The following FAM163B variants were observed in gnomAD, a reference collection of about 807,000 sequenced individuals.
FAM163B encodes the protein family with sequence similarity 163 member B, also known as protein FAM163B.
FAM163B carries 4 observed loss-of-function variants against 7.6 expected under a neutral mutation model. The observed-to-expected ratio is 0.52, with a 90% CI of 0.26 to 1.20. The LOEUF (loss-of-function observed/expected upper bound fraction) is 1.20. Among genes scored for constraint, FAM163B ranks in the 50% most tolerant of loss-of-function variants. The pLI is 0.14. For missense variants in FAM163B, 250 were observed against 243.0 expected, an observed-to-expected ratio of 1.03 and a Z score of -0.19; for synonymous variants, 120 against 111.6, an observed-to-expected ratio of 1.07 and a Z score of -0.47.
rs556244383 is a variant in FAM163B at position 133,579,338 on chromosome 9, C to A, written c.185G>T (p.Arg62Leu). 2 of 1,613,562 alleles carry A rather than the reference C, an allele frequency of 1.2e-6. No homozygotes were observed. Among genetic ancestry groups the A allele is most frequent in the South Asian group, 1.1e-5 (1 of 90,996 alleles). ...CGGCCCGTTGGTCAGCACCAGGTTG[C>A]GGTTGGAGTGCAGCGGGGGCAGGTG... ...HSHLPPLHSN[R>L]NLVLTNGPAL... The change falls in exon 3 of 3, where the codon CGC (arginine) becomes CTC (leucine). Residue 62 changes from arginine (R) to leucine (L), a missense_variant. Coordinates refer to ENST00000673969, the MANE Select transcript of FAM163B (RefSeq NM_001080515.3).
Position 133,600,056 on chromosome 9 carries a change from AGTTT to A in FAM163B, c.-24+9017_-24+9020del, listed in dbSNP as rs1382729615. On this transcript the variant is annotated intron_variant, in intron 1 of 2. Transcript: ENST00000673969. This position sits in a 1 kb window ranked among gnomAD's most constrained non-coding sequence, Gnocchi z 4.9. ...TGTGTGGTCTGTGTGGATGTGTGTG[AGTTT>A]GTGTGTGCATGTGTGTGTGTCTGTG... is the stretch of plus-strand genomic sequence containing the variant. 5.0e-5 allele frequency among the ~76,000 whole-genome samples: 4 copies of A among 79,824 alleles called. No homozygotes were observed. Among genetic ancestry groups the A allele is most frequent in the African/African-American group, 1.6e-4 (3 of 18,458 alleles). The allele number at this position is 79,824 out of a possible 152,430, so 52.4% of individuals were successfully genotyped here.
intron 1 of FAM163B, among the ~76,000 whole-genome samples, chr9:133,592,579 C>T (rs900719996): frequency 6.6e-6 from 1 of 152,168 alleles, no homozygotes; most frequent in African/African-American, 2.4e-5. Context: ...GAACATTGCC[C>T]TCTCCGGCCA....
At chr9:133,591,625 C>T (rs28574717) in intron 1 of FAM163B, among the ~76,000 whole-genome samples, 16,317 of 152,248 alleles carry the variant, frequency 0.11, 1,989 homozygotes, top group African/African-American at 0.3. Flanking sequence ...CCTGCAGCTT[C>T]GGACTCAGGG....
intron 2 of FAM163B, 84 bp downstream of exon 2, chr9:133,580,047 G>T: frequency 8.5e-7 from 1 of 1,180,762 alleles, no homozygotes; most frequent in South Asian, 1.3e-5. Context: ...TGACCCTTGT[G>T]ACCTTCAGGC....
Position 133,579,080 on chromosome 9 carries a change from C to G in FAM163B, c.443G>C (p.Arg148Pro). The change falls in exon 3 of 3, where the codon CGC (arginine) becomes CCC (proline). Residue 148 changes from arginine to proline, a missense_variant. Physicochemically the swap from Arg to Pro is moderately radical, Grantham distance 103. Transcript: ENST00000673969. Reference protein sequence around the residue: ...FGGLQALNPNRLSAMREAFAR... With the variant: ...FGGLQALNPNPLSAMREAFAR... ...GAAGGCCTCCCGCATGGCTGAGAGG[C>G]GGTTGGGGTTGAGCGCCTGCAGGCC... 1 of 1,588,460 alleles carries G rather than the reference C, an allele frequency of 6.3e-7. No homozygotes were observed. Among genetic ancestry groups the G allele is most frequent in the Non-Finnish European group, 8.6e-7 (1 of 1,168,240 alleles).
intron 1 of FAM163B, among the ~76,000 whole-genome samples, chr9:133,593,949 A>G (rs1431766270): frequency 2.0e-5 from 3 of 151,974 alleles, no homozygotes; most frequent in African/African-American, 7.3e-5. Context: ...CCCCTCTGCC[A>G]CCCCCAGATC....
intron 1 of FAM163B, among the ~76,000 whole-genome samples, chr9:133,605,695 G>T (rs373825001): frequency 2.6e-5 from 4 of 152,054 alleles, no homozygotes; most frequent in Non-Finnish European, 4.4e-5. Flanking sequence ...CCAGGGCCCC[G>T]GGGCCGCAAC....
In FAM163B at chr9:133,579,358, C is replaced by G. The variant is rs1448524136; in HGVS notation, c.165G>C (p.Leu55=). The change falls in exon 3 of 3, where the codon CTG becomes CTC. Residue 55 remains leucine, a synonymous_variant. Transcript: ENST00000673969. Reference sequence around the variant, plus strand: ...GGTTGCGGTTGGAGTGCAGCGGGGGCAGGTGCGAGTGAACGGCGAAGTCTG... The same window carrying G: ...GGTTGCGGTTGGAGTGCAGCGGGGGGAGGTGCGAGTGAACGGCGAAGTCTG... ...EEPDFAVHSH[L]PPLHSNRNLV... 1 of 1,612,842 alleles carries G rather than the reference C, an allele frequency of 6.2e-7. No individual in the cohort carries two copies. The highest frequency in any genetic ancestry group is 1.7e-5 in the Admixed American group (1 of 59,870).
chr9:133,597,866 T>G (rs1268086164), intron 1 of FAM163B, among the ~76,000 whole-genome samples: 3 of 152,028 alleles, frequency 2.0e-5, no homozygotes, highest in Non-Finnish European at 2.9e-5. Context: ...GCCGTCAACC[T>G]GGAACGTGCA....
intron 1 of FAM163B, among the ~76,000 whole-genome samples, chr9:133,590,644 G>A (rs1030591563): frequency 6.6e-6 from 1 of 152,198 alleles, no homozygotes; most frequent in Non-Finnish European, 1.5e-5. Context: ...TCAGCCTTAC[G>A]GACAGGAGCA....
intron 1 of FAM163B, among the ~76,000 whole-genome samples, chr9:133,584,111 T>TA (rs1488654727): frequency 3.3e-5 from 5 of 151,772 alleles, no homozygotes; most frequent in Non-Finnish European, 5.9e-5. Context: ...CAGGAAGCCT[T>TA]CCTGAACTTT....
In FAM163B at chr9:133,609,386, C is replaced by A. The variant is rs1177741395; in HGVS notation, c.-333G>T. 1.3e-5 allele frequency among the ~76,000 whole-genome samples: 2 copies of A among 149,724 alleles called. No homozygotes were observed. The highest frequency in any genetic ancestry group is 3.0e-5 in the Non-Finnish European group (2 of 67,230). On this transcript the variant is annotated 5_prime_UTR_variant, in exon 1 of 3. Coordinates refer to ENST00000673969, the MANE Select transcript of FAM163B (RefSeq NM_001080515.3). ...AGCCTGGTCCCGAGCGCAGGGCGCGCGCTGGCGGGGAGGGCGCGCGCCCGA... is the reference window on the plus strand; with the variant it reads ...AGCCTGGTCCCGAGCGCAGGGCGCGAGCTGGCGGGGAGGGCGCGCGCCCGA...
intron 1 of FAM163B, among the ~76,000 whole-genome samples, chr9:133,585,213 G>A (rs911324000): frequency 3.9e-5 from 6 of 152,212 alleles, no homozygotes; most frequent in Non-Finnish European, 8.8e-5. Flanking sequence ...GGAATGAATG[G>A]CGTGGAGCTG....
intron 1 of FAM163B, among the ~76,000 whole-genome samples, chr9:133,584,521 A>G (rs954009231): frequency 7.2e-4 from 110 of 152,384 alleles, no homozygotes; most frequent in African/African-American, 2.5e-3. Flanking sequence ...ACATCAAGTG[A>G]TAAGGCGAAA....
At chr9:133,582,279 G>A (rs373007190) in intron 1 of FAM163B, among the ~76,000 whole-genome samples, 7 of 152,292 alleles carry the variant, frequency 4.6e-5, no homozygotes, top group African/African-American at 1.2e-4. Flanking sequence ...GCCTTTCTAC[G>A]TGGAAACTTG....
chr9:133,578,590 T>A lies in FAM163B; in HGVS notation c.*432A>T. ...GGTCTGCAATTGCCAGGGAGGGCCTTGCTGCAGGGCCCTGGGCCTCACTGA... is the reference window on the plus strand; with the variant it reads ...GGTCTGCAATTGCCAGGGAGGGCCTAGCTGCAGGGCCCTGGGCCTCACTGA... On this transcript the variant is annotated 3_prime_UTR_variant, in exon 3 of 3. Transcript: ENST00000673969. 5.8e-6 allele frequency: 1 copy of A among 171,968 alleles called. No individual in the cohort carries two copies. The highest frequency in any genetic ancestry group is 2.4e-5 in the African/African-American group (1 of 42,292). 10.7% of individuals were successfully genotyped at this position (171,968 alleles called of 1,614,324 possible).
chr9:133,604,463 C>T (rs185870412), intron 1 of FAM163B, among the ~76,000 whole-genome samples: 9 of 152,062 alleles, frequency 5.9e-5, no homozygotes, highest in East Asian at 5.8e-4. Flanking sequence ...CCCAGGAAAC[C>T]GGGGGCTTTT....
intron 1 of FAM163B, among the ~76,000 whole-genome samples, chr9:133,607,413 G>T (rs1316135471): frequency 6.6e-6 from 1 of 152,166 alleles, no homozygotes; most frequent in Non-Finnish European, 1.5e-5. Context: ...AGCTCTGTGG[G>T]GCTCCTTGCC....
intron 1 of FAM163B, among the ~76,000 whole-genome samples, chr9:133,590,362 A>T (rs1284531706): frequency 6.6e-6 from 1 of 151,936 alleles, no homozygotes; most frequent in East Asian, 1.9e-4. Flanking sequence ...GGGCCAGGCC[A>T]GGACTTGCTG....
Sources: allele counts gnomAD v4.1 joint callset (sites outside exome capture counted in the v4.1 genomes callset), GRCh38; gene constraint gnomAD v4.1.1; non-coding constraint Gnocchi (gnomAD v3.1); transcripts MANE v1.5; gene names NCBI Gene and HGNC (gene_info 2026-07-23, HGNC 2026-07-21).